DPYD: variants seen among roughly 807,000 people sequenced by gnomAD.
DPYD encodes the protein dihydropyrimidine dehydrogenase, also known as dihydropyrimidine dehydrogenase [NADP(+)].
DPYD carries 109 observed loss-of-function variants against 116.2 expected under a neutral mutation model. The observed-to-expected ratio is 0.94, with a 90% CI of 0.80 to 1.10. DPYD has a LOEUF of 1.10. Among genes scored for constraint, DPYD ranks in the 50% least tolerant of loss-of-function variants. DPYD has a pLI of 0.00. For missense variants in DPYD, 1,302 were observed against 1,254.5 expected, an observed-to-expected ratio of 1.04 and a Z score of -0.57; for synonymous variants, 440 against 432.0, an observed-to-expected ratio of 1.02 and a Z score of -0.23.
intron 3 of DPYD, among the ~76,000 whole-genome samples, chr1:97,773,939 T>G (rs940293656): frequency 3.9e-5 from 6 of 152,194 alleles, no homozygotes; most frequent in African/African-American, 1.4e-4. Flanking sequence ...GTCCTTGTGA[T>G]AAGGCAGAAG....
At chr1:97,531,140 T>C (rs1025110980) in intron 12 of DPYD, among the ~76,000 whole-genome samples, 1 of 152,188 alleles carries the variant, frequency 6.6e-6, no homozygotes, top group African/African-American at 2.4e-5. Flanking sequence ...TTAATCTCCT[T>C]TTGCTTTTGT....
intron 13 of DPYD, among the ~76,000 whole-genome samples, chr1:97,464,588 A>C (rs1382601306): frequency 6.6e-6 from 1 of 152,172 alleles, no homozygotes; most frequent in African/African-American, 2.4e-5. Context: ...CATGACTAAA[A>C]TGGGCCAAGG....
chr1:97,227,331 C>CA (rs60992225), intron 19 of DPYD, among the ~76,000 whole-genome samples: 4,846 of 26,502 alleles, frequency 0.18, 694 homozygotes, highest in East Asian at 0.29. Flanking sequence ...GACTCTATCT[C>CA]AAAAAAAAAA....
At chr1:97,762,516 C>A (rs1428739748) in intron 3 of DPYD, among the ~76,000 whole-genome samples, 1 of 152,016 alleles carries the variant, frequency 6.6e-6, no homozygotes, top group Non-Finnish European at 1.5e-5. Context: ...CCAATTATTT[C>A]CCCCTGCTTT....
At chr1:97,415,462 G>C (rs893528906) in intron 14 of DPYD, among the ~76,000 whole-genome samples, 3 of 152,046 alleles carry the variant, frequency 2.0e-5, no homozygotes, top group African/African-American at 7.2e-5. Flanking sequence ...CGAGTAGCTG[G>C]GATTACAGGC....
intron 16 of DPYD, among the ~76,000 whole-genome samples, chr1:97,319,634 G>C (rs1474583830): frequency 1.6e-5 from 2 of 123,234 alleles, no homozygotes; most frequent in Non-Finnish European, 3.3e-5. Context: ...TGGATTCACA[G>C]CCGAATTCTA....
intron 14 of DPYD, among the ~76,000 whole-genome samples, chr1:97,398,141 C>T (rs1383169505): frequency 6.6e-6 from 1 of 152,086 alleles, no homozygotes; most frequent in African/African-American, 2.4e-5. Context: ...GTTCCACACC[C>T]TGTGTCCAAG....
chr1:97,339,626 C>G (rs1467464122), intron 16 of DPYD, among the ~76,000 whole-genome samples: 1 of 152,094 alleles, frequency 6.6e-6, no homozygotes, highest in African/African-American at 2.4e-5. Context: ...AGAAAATACT[C>G]AAGGAAGTAC....
chr1:97,454,851 G>A (rs1451311678), intron 13 of DPYD, among the ~76,000 whole-genome samples: 1 of 151,902 alleles, frequency 6.6e-6, no homozygotes, highest in Non-Finnish European at 1.5e-5. Context: ...AAATGTCTGA[G>A]TAAGAGGCTA....
intron 3 of DPYD, among the ~76,000 whole-genome samples, chr1:97,757,511 T>G (rs1665314903): frequency 6.6e-6 from 1 of 152,132 alleles, no homozygotes. Context: ...CACCAGGTGT[T>G]CAACAAATGC....
intron 12 of DPYD, among the ~76,000 whole-genome samples, chr1:97,521,921 A>G (rs1415815333): frequency 6.6e-6 from 1 of 152,208 alleles, no homozygotes; most frequent in African/African-American, 2.4e-5. Context: ...AGATGGATTA[A>G]AGACTTAAAT....
intron 7 of DPYD, among the ~76,000 whole-genome samples, chr1:97,684,997 A>G (rs1421953531): frequency 9.9e-5 from 15 of 152,206 alleles, no homozygotes; most frequent in Admixed American, 9.8e-4. Context: ...TCATTTTATC[A>G]GGCCAGCATC....
intron 3 of DPYD, among the ~76,000 whole-genome samples, chr1:97,742,879 G>GCA (rs928526575): frequency 6.6e-6 from 1 of 151,726 alleles, no homozygotes; most frequent in Non-Finnish European, 1.5e-5. Context: ...AAAAGTAAGC[G>GCA]CACACACACA....
At chr1:97,551,586 C>G (rs1444357086) in intron 11 of DPYD, among the ~76,000 whole-genome samples, 1 of 151,850 alleles carries the variant, frequency 6.6e-6, no homozygotes, top group Non-Finnish European at 1.5e-5. Context: ...AAAATTTTAT[C>G]ACTAGGAGAT....
At chr1:97,332,822 T>C (rs1036085862) in intron 16 of DPYD, among the ~76,000 whole-genome samples, 5 of 152,108 alleles carry the variant, frequency 3.3e-5, no homozygotes, top group Admixed American at 3.3e-4. Context: ...AGACTAAACA[T>C]TTGCTGTTTC....
At chr1:97,416,074 T>A (rs1008703337) in intron 14 of DPYD, among the ~76,000 whole-genome samples, 2 of 152,180 alleles carry the variant, frequency 1.3e-5, no homozygotes, top group Admixed American at 1.3e-4. Flanking sequence ...AGAAATCCAA[T>A]AATATTAATG....
chr1:97,225,766 G>A (rs1247754809), intron 19 of DPYD, among the ~76,000 whole-genome samples: 1 of 151,770 alleles, frequency 6.6e-6, no homozygotes, highest in East Asian at 1.9e-4. Flanking sequence ...GTCCTTTGAT[G>A]TCCTATTCAA....
At chr1:97,899,442 T>C (rs1222973393) in intron 1 of DPYD, among the ~76,000 whole-genome samples, 1 of 151,910 alleles carries the variant, frequency 6.6e-6, no homozygotes, top group Non-Finnish European at 1.5e-5. Flanking sequence ...CCTTTTCCCT[T>C]TGTTTCTTTT....
At chr1:97,655,314 A>G (rs1658842644) in intron 8 of DPYD, among the ~76,000 whole-genome samples, 1 of 152,340 alleles carries the variant, frequency 6.6e-6, no homozygotes, top group South Asian at 2.1e-4. Flanking sequence ...TGCACAGCTC[A>G]CACAAAAGTA....
Sources: gnomAD v4.1 joint callset for allele counts (sites outside exome capture counted in the v4.1 genomes callset) on GRCh38, gnomAD v4.1.1 for gene constraint, MANE v1.5 for transcripts, NCBI Gene and HGNC (gene_info 2026-07-23, HGNC 2026-07-21) for gene names.